The following HTRA3 variants were observed in gnomAD, a reference collection of about 807,000 sequenced individuals.
HTRA3 encodes HtrA serine peptidase 3.
In HTRA3, 41 loss-of-function variants were observed where a neutral mutation model predicts 43.2. The observed-to-expected ratio is 0.95, with a 90% CI of 0.74 to 1.23. The LOEUF is 1.23. Ranked by LOEUF, HTRA3 falls within the 50% of genes most tolerant of loss-of-function variation. The pLI is 0.00. For synonymous variants in HTRA3, 295 were observed against 287.9 expected (o/e 1.02, Z -0.25); for missense variants, 628 against 647.1 (o/e 0.97, Z 0.32).
intron 1 of HTRA3, among the ~76,000 whole-genome samples, chr4:8,278,154 C>G (rs563336017): frequency 6.6e-4 from 101 of 152,240 alleles, no homozygotes; most frequent in Non-Finnish European, 1.4e-3. Context: ...TGTCCAGAGC[C>G]AGCACGTGGT....
rs1216772840 is a variant in HTRA3, at chr4:8,269,977, G to A, written c.9G>A (p.Ala3=). 32 of 1,203,776 alleles carry A rather than the reference G, an allele frequency of 2.7e-5. No individual in the cohort carries two copies. The highest frequency in any genetic ancestry group is 3.3e-5 in the Non-Finnish European group (32 of 972,168). The allele number at this position is 1,203,776 out of a possible 1,614,324, so 74.6% of individuals were successfully genotyped here. MQ[A]RALLLAALAA... is the part of the protein sequence containing the mutation. The stretch of plus-strand genomic sequence containing the variant: ...CCGCCGGCCCTGCCGCCATGCAGGC[G>A]CGAGCGCTGCTCCTGGCCGCGTTGG... The change falls in exon 1 of 9, where the codon GCG becomes GCA. Residue 3 remains alanine, a synonymous_variant. Coordinates refer to ENST00000307358, the MANE Select transcript of HTRA3 (RefSeq NM_053044.5).
rs528525297 is a variant in HTRA3 at position 8,280,099 on chromosome 4, C to T, written c.386-2338C>T. Among the ~76,000 whole-genome samples the T allele has an allele frequency of 4.6e-5, 7 of 152,196 alleles. No homozygotes were observed. The South Asian group carries it at 1.2e-3, about 27-fold the overall frequency. On this transcript the variant is annotated intron_variant, in intron 1 of 8. Transcript: ENST00000307358. The stretch of plus-strand genomic sequence containing the variant: ...CTTGGTAGGGAGAGTAGAGAGAGGT[C>T]GTGCAGGGGGAGGTGTAGAGAGGTG...
At chr4:8,289,781 G>A (rs1186011925) in intron 3 of HTRA3, among the ~76,000 whole-genome samples, 1 of 151,690 alleles carries the variant, frequency 6.6e-6, no homozygotes, top group Non-Finnish European at 1.5e-5. Context: ...CCAGCTCACG[G>A]CCTCACCTGT....
At position 8,306,250 on chromosome 4, in the gene HTRA3, C is replaced by G; in HGVS notation, c.*114C>G. 1 of 1,162,194 alleles carries G rather than the reference C, an allele frequency of 8.6e-7. No individual in the cohort carries two copies. Among genetic ancestry groups the G allele is most frequent in the South Asian group, 1.6e-5 (1 of 61,386 alleles). The allele number at this position is 1,162,194 out of a possible 1,614,324, so 72.0% of individuals were successfully genotyped here. On this transcript the variant is annotated 3_prime_UTR_variant, in exon 9 of 9. Transcript: ENST00000307358. This position sits in a 1 kb window ranked among gnomAD's most constrained non-coding sequence, Gnocchi z 8.9. Reference sequence around the variant, plus strand: ...GTCCTCAGCAGGGCGGCAGCCTCCTCCTGGCTGTCCGGGGCAGAGCGGAGG... The same window carrying G: ...GTCCTCAGCAGGGCGGCAGCCTCCTGCTGGCTGTCCGGGGCAGAGCGGAGG...
At chr4:8,288,877 TTTTC>T (rs1713102315) in intron 3 of HTRA3, among the ~76,000 whole-genome samples, 1 of 105,638 alleles carries the variant, frequency 9.5e-6, no homozygotes, top group Non-Finnish European at 1.8e-5. Flanking sequence ...CACCCCCAAA[TTTTC>T]CTTCCTTCCT....
In HTRA3 at chr4:8,304,295, G is replaced by A. The variant is rs1297457093; in HGVS notation, c.1196+16G>A. 6.2e-7 allele frequency: 1 copy of A among 1,609,034 alleles called. No homozygotes were observed. The highest frequency in any genetic ancestry group is 8.5e-7 in the Non-Finnish European group (1 of 1,175,536). ...CTTCTCAGAGGTAGGCTCTGCCAGA[G>A]GAGATCGCTCGAGGCATGGGGCAGG... On this transcript the variant is annotated intron_variant, in intron 8 of 8. Coordinates refer to ENST00000307358, the MANE Select transcript of HTRA3 (RefSeq NM_053044.5).
At chr4:8,272,391 T>G (rs1208728376) in intron 1 of HTRA3, among the ~76,000 whole-genome samples, 3 of 71,220 alleles carry the variant, frequency 4.2e-5, no homozygotes, top group African/African-American at 1.3e-4. Flanking sequence ...GGCCAGGAGG[T>G]GGCCGTGAGC....
At chr4:8,278,577 C>T (rs539904409) in intron 1 of HTRA3, among the ~76,000 whole-genome samples, 1 of 152,276 alleles carries the variant, frequency 6.6e-6, no homozygotes, top group African/African-American at 2.4e-5. Context: ...GTCCTCCCTT[C>T]CCCCTGATTC....
intron 5 of HTRA3, among the ~76,000 whole-genome samples, chr4:8,293,281 A>G (rs1317653685): frequency 1.3e-5 from 2 of 152,202 alleles, no homozygotes; most frequent in South Asian, 2.1e-4. Context: ...AGCCAGGCCC[A>G]GGAGGCTGCT....
At chr4:8,287,571 A>G (rs1320531856) in intron 3 of HTRA3, among the ~76,000 whole-genome samples, 1 of 152,072 alleles carries the variant, frequency 6.6e-6, no homozygotes, top group African/African-American at 2.4e-5. Flanking sequence ...GTGAAGTGGG[A>G]CATGCCACAC....
chr4:8,283,419 C>A (rs1712836692), intron 2 of HTRA3, among the ~76,000 whole-genome samples: 1 of 152,216 alleles, frequency 6.6e-6, no homozygotes, highest in African/African-American at 2.4e-5. Context: ...ATCACAGAGA[C>A]CCTCTGAGCT....
At chr4:8,305,914 T>C in intron 8 of HTRA3, 57 bp from the exon 9 acceptor site, 1 of 1,603,210 alleles carries the variant, frequency 6.2e-7, no homozygotes, top group Non-Finnish European at 8.5e-7. Context: ...GGGCCGGGCC[T>C]GGGAAGGCTG....
At chr4:8,289,699 C>T (rs148134227) in intron 3 of HTRA3, among the ~76,000 whole-genome samples, 2,783 of 152,332 alleles carry the variant, frequency 0.018, 38 homozygotes, top group Middle Eastern at 0.058. Context: ...GGCATTAAAT[C>T]GAGCCATGGG....
At chr4:8,274,237 G>A (rs978837251) in intron 1 of HTRA3, among the ~76,000 whole-genome samples, 1 of 152,236 alleles carries the variant, frequency 6.6e-6, no homozygotes, top group Admixed American at 6.5e-5. Context: ...CACGCAATGT[G>A]CCCACTGCCC....
Position 8,296,059 on chromosome 4 carries a change from T to C in HTRA3, c.1051+1858T>C. The C allele has an allele frequency of 9.2e-7, 1 of 1,088,094 alleles. No homozygotes were observed. The highest frequency in any genetic ancestry group is 1.1e-6 in the Non-Finnish European group (1 of 896,572). The allele number at this position is 1,088,094 out of a possible 1,614,324, so 67.4% of individuals were successfully genotyped here. A position where few individuals can be genotyped will look rare whatever the true frequency, so the allele number is the denominator to read the frequency against. ...CTTTCCCTAATGACCGAGTCTTTCCTGTTGAATTATCCCATTCTCCATGGG... is the reference window on the plus strand; with the variant it reads ...CTTTCCCTAATGACCGAGTCTTTCCCGTTGAATTATCCCATTCTCCATGGG... On this transcript the variant is annotated intron_variant, in intron 6 of 8. Transcript: ENST00000307358. The surrounding 1 kb of genome is among the most constrained non-coding windows in gnomAD (Gnocchi z 5.3).
intron 1 of HTRA3, among the ~76,000 whole-genome samples, chr4:8,277,328 G>A (rs1050444165): frequency 6.6e-6 from 1 of 152,188 alleles, no homozygotes; most frequent in African/African-American, 2.4e-5. Context: ...GGGCTGTTGA[G>A]GGGGCCCCTG....
intron 1 of HTRA3, among the ~76,000 whole-genome samples, chr4:8,276,341 G>A (rs1712522167): frequency 6.6e-6 from 1 of 152,258 alleles, no homozygotes; most frequent in South Asian, 2.1e-4. Context: ...GACTGAGTGT[G>A]CTTTGCACGG....
In HTRA3 at chr4:8,294,167, G is replaced by A. The variant is rs370699082; in HGVS notation, c.1017G>A (p.Arg339=). 4.3e-6 allele frequency: 7 copies of A among 1,612,330 alleles called. No individual in the cohort carries two copies. The East Asian group carries it at 1.6e-4, about 36-fold the overall frequency. The part of the protein sequence containing the change: ...SFAIPSDRIT[R]FLTEFQDKQI... ...CCATCCCCTCAGACCGCATCACACG[G>A]TTCCTCACAGAGTTCCAAGACAAGC... The change falls in exon 6 of 9, where the codon CGG becomes CGA. Residue 339 remains arginine (R), a synonymous_variant. Coordinates refer to ENST00000307358, the MANE Select transcript of HTRA3 (RefSeq NM_053044.5).
At chr4:8,304,506 G>A (rs896852853) in intron 8 of HTRA3, among the ~76,000 whole-genome samples, 1 of 152,202 alleles carries the variant, frequency 6.6e-6, no homozygotes, top group African/African-American at 2.4e-5. Flanking sequence ...CCTTCGAGAA[G>A]CAGAGGCTGA....
Sources: gnomAD v4.1 joint callset for allele counts (sites outside exome capture counted in the v4.1 genomes callset) on GRCh38, gnomAD v4.1.1 for gene constraint, Gnocchi (gnomAD v3.1) non-coding constraint, MANE v1.5 for transcripts, NCBI Gene and HGNC (gene_info 2026-07-23, HGNC 2026-07-21) for gene names.